PPP1R1C: variants seen among roughly 807,000 people sequenced by gnomAD.
The protein encoded by PPP1R1C is protein phosphatase 1 regulatory inhibitor subunit 1C, also known as protein phosphatase 1 regulatory subunit 1C.
In PPP1R1C, 15 loss-of-function variants were observed where a neutral mutation model predicts 17.4. That is an observed-to-expected ratio of 0.86 (90% CI 0.58 to 1.33). PPP1R1C has a LOEUF of 1.33. PPP1R1C is among the 40% of genes most tolerant of loss of function. The probability of loss-of-function intolerance (pLI) is 0.00; values close to 1 mark genes in which losing one functional copy is unlikely to be tolerated. For missense variants in PPP1R1C, 143 were observed against 130.0 expected, an observed-to-expected ratio of 1.10 and a Z score of -0.48; for synonymous variants, 35 against 43.1, an observed-to-expected ratio of 0.81 and a Z score of 0.73.
chr2:182,120,688 A>G (rs143409811), downstream of PPP1R1C, among the ~76,000 whole-genome samples: 9 of 152,336 alleles, frequency 5.9e-5, no homozygotes, highest in African/African-American at 2.2e-4. Flanking sequence ...GGTGCTAAAC[A>G]TAACATTGCC....
At chr2:182,078,270 G>A (rs1351548242) in intron 4 of PPP1R1C, among the ~76,000 whole-genome samples, 3 of 152,148 alleles carry the variant, frequency 2.0e-5, no homozygotes, top group Admixed American at 6.5e-5. Context: ...TTATTAAATT[G>A]TGAGCCACCT....
At chr2:182,027,422 G>C (rs532266522) in intron 2 of PPP1R1C, among the ~76,000 whole-genome samples, 5 of 117,846 alleles carry the variant, frequency 4.2e-5, no homozygotes, top group African/African-American at 1.0e-4. Flanking sequence ...TAGCATGAAG[G>C]GTTGTTGAAT....
At chr2:181,990,592 G>C (rs1273605815) in intron 2 of PPP1R1C, among the ~76,000 whole-genome samples, 1 of 152,180 alleles carries the variant, frequency 6.6e-6, no homozygotes, top group Non-Finnish European at 1.5e-5. Flanking sequence ...TAACTGATGT[G>C]TTCGGGAATA....
intron 4 of PPP1R1C, among the ~76,000 whole-genome samples, chr2:182,115,553 G>T (rs1689556975): frequency 6.6e-6 from 1 of 152,164 alleles, no homozygotes; most frequent in African/African-American, 2.4e-5. Flanking sequence ...TGACTGGTTG[G>T]ACACTTAATA....
chr2:182,122,137 T>C (rs1388870665), downstream of PPP1R1C, among the ~76,000 whole-genome samples: 1 of 152,148 alleles, frequency 6.6e-6, no homozygotes, highest in Non-Finnish European at 1.5e-5. Context: ...TCAGGCAGGA[T>C]TCTTGACTAG....
intron 2 of PPP1R1C, among the ~76,000 whole-genome samples, chr2:182,051,656 C>A (rs768873808): frequency 1.4e-5 from 2 of 140,068 alleles, no homozygotes; most frequent in African/African-American, 5.5e-5. Context: ...CCTTAGAAAA[C>A]AATTAGACAA....
intron 2 of PPP1R1C, among the ~76,000 whole-genome samples, chr2:182,020,746 G>T (rs924948594): frequency 1.3e-5 from 2 of 152,120 alleles, no homozygotes; most frequent in African/African-American, 4.8e-5. Context: ...GAAAGAAAAA[G>T]AAAATACTTT....
intron 5 of PPP1R1C, among the ~76,000 whole-genome samples, chr2:182,128,443 G>C (rs1347951728): frequency 6.6e-6 from 1 of 151,966 alleles, no homozygotes; most frequent in African/African-American, 2.4e-5. Flanking sequence ...TCTAAGATCT[G>C]TTTCTCCTTT....
At chr2:182,044,945 T>C (rs1231308531) in intron 2 of PPP1R1C, among the ~76,000 whole-genome samples, 1 of 152,228 alleles carries the variant, frequency 6.6e-6, no homozygotes, top group African/African-American at 2.4e-5. Context: ...TATACAAAGA[T>C]AAAGTTCCTT....
At chr2:181,975,112 G>A (rs1374468191) in intron 1 of PPP1R1C, 1 of 151,788 alleles carries the variant, frequency 6.6e-6, no homozygotes, top group African/African-American at 2.4e-5. Context: ...AAAATTTTGG[G>A]GGTAATTTAG....
intron 2 of PPP1R1C, among the ~76,000 whole-genome samples, chr2:182,027,184 TA>T (rs1345818166): frequency 8.0e-6 from 1 of 125,692 alleles, no homozygotes; most frequent in Non-Finnish European, 1.6e-5. Context: ...CCTCTTTTCC[TA>T]ATTGAATACC....
At chr2:182,035,075 T>C (rs547582827) in intron 2 of PPP1R1C, among the ~76,000 whole-genome samples, 1 of 152,216 alleles carries the variant, frequency 6.6e-6, no homozygotes, top group African/African-American at 2.4e-5. Context: ...AAATGCTTTG[T>C]GAGGGAATGG....
At chr2:181,963,952 G>A (rs1203397915) in intron 1 of PPP1R1C, among the ~76,000 whole-genome samples, 1 of 151,978 alleles carries the variant, frequency 6.6e-6, no homozygotes, top group African/African-American at 2.4e-5. Context: ...TCCTTTCTTT[G>A]TGATAGAAAC....
At chr2:181,978,411 C>A (rs1685135937) in intron 2 of PPP1R1C, among the ~76,000 whole-genome samples, 1 of 152,194 alleles carries the variant, frequency 6.6e-6, no homozygotes, top group African/African-American at 2.4e-5. Flanking sequence ...ATGTCTGGGG[C>A]ATCAGATCAG....
At chr2:182,042,122 G>A (rs945929387) in intron 2 of PPP1R1C, among the ~76,000 whole-genome samples, 24 of 152,068 alleles carry the variant, frequency 1.6e-4, no homozygotes, top group African/African-American at 5.8e-4. Flanking sequence ...TTATGTAGTT[G>A]TATTCACTGA....
intron 2 of PPP1R1C, among the ~76,000 whole-genome samples, chr2:182,036,064 C>T (rs902314648): frequency 2.0e-5 from 3 of 152,146 alleles, no homozygotes; most frequent in Admixed American, 6.5e-5. Context: ...AGAAAACGGG[C>T]TCTCCAAAAC....
At chr2:182,123,429 C>T (rs1689787244) in intron 5 of PPP1R1C, among the ~76,000 whole-genome samples, 1 of 152,226 alleles carries the variant, frequency 6.6e-6, no homozygotes, top group African/African-American at 2.4e-5. Context: ...AATCTCCACA[C>T]TGTCTTCCAC....
chr2:182,120,104 C>A (rs1689697471), downstream of PPP1R1C, among the ~76,000 whole-genome samples: 1 of 152,080 alleles, frequency 6.6e-6, no homozygotes, highest in Non-Finnish European at 1.5e-5. Flanking sequence ...GGAAGGGATC[C>A]AGTTTCAGCT....
At chr2:182,068,081 A>G (rs575821462) in intron 4 of PPP1R1C, among the ~76,000 whole-genome samples, 2 of 152,256 alleles carry the variant, frequency 1.3e-5, no homozygotes, top group Admixed American at 6.5e-5. Flanking sequence ...TCTCAGCCAT[A>G]TAACATGAAC....
Sources: gnomAD v4.1 joint callset for allele counts (sites outside exome capture counted in the v4.1 genomes callset) on GRCh38, gnomAD v4.1.1 for gene constraint, MANE v1.5 for transcripts, NCBI Gene and HGNC (gene_info 2026-07-23, HGNC 2026-07-21) for gene names.